The following RAPGEF5 variants were observed in gnomAD, a reference collection of about 807,000 sequenced individuals.
The protein encoded by RAPGEF5 is Rap guanine nucleotide exchange factor 5, also known as M-Ras-regulated GEF.
In RAPGEF5, 65 loss-of-function variants were observed where a neutral mutation model predicts 125.2. The observed-to-expected ratio is 0.52, with a 90% CI of 0.43 to 0.64. The LOEUF (loss-of-function observed/expected upper bound fraction) is 0.64. RAPGEF5 is among the 30% of genes least tolerant of loss of function. The pLI is 0.00. For missense variants in RAPGEF5, 958 were observed against 1,048.1 expected (o/e 0.91, Z 1.19); for synonymous variants, 391 against 385.9 (o/e 1.01, Z -0.16).
At chr7:22,247,302 A>C (rs988648807) in intron 7 of RAPGEF5, among the ~76,000 whole-genome samples, 1 of 152,238 alleles carries the variant, frequency 6.6e-6, no homozygotes, top group African/African-American at 2.4e-5. Flanking sequence ...AGCAGTATTC[A>C]CAATAGCAAA....
chr7:22,170,365 C>T (rs898720516), intron 11 of RAPGEF5, among the ~76,000 whole-genome samples: 5 of 152,118 alleles, frequency 3.3e-5, no homozygotes, highest in Admixed American at 3.3e-4. Context: ...AACAGAGTAG[C>T]TTTGAATCTA....
At chr7:22,323,696 C>T (rs1783759459) in intron 1 of RAPGEF5, among the ~76,000 whole-genome samples, 1 of 152,168 alleles carries the variant, frequency 6.6e-6, no homozygotes, top group South Asian at 2.1e-4. Flanking sequence ...TGGACCCTCC[C>T]TACAGCAACC....
In RAPGEF5 at chr7:22,191,698, A is replaced by G. The variant is rs566784240; in HGVS notation, c.1204+1669T>C. On this transcript the variant is annotated intron_variant, in intron 11 of 25. Transcript: ENST00000665637. ...CAGGATGCAAACCACTATATTTCCC[A>G]ATAGCAGGCAAATTCTGACATTAGC... is the stretch of plus-strand genomic sequence containing the variant. The G allele has an allele frequency of 2.6e-5, 12 of 469,564 alleles. No individual in the cohort carries two copies. In the East Asian group the frequency reaches 8.3e-4, roughly 33 times the overall value. 29.1% of individuals were successfully genotyped at this position (469,564 alleles called of 1,614,324 possible). A position where few individuals can be genotyped will look rare whatever the true frequency, so the allele number is the denominator to read the frequency against.
chr7:22,284,628 A>G (rs1562507912), intron 6 of RAPGEF5, among the ~76,000 whole-genome samples: 1 of 152,178 alleles, frequency 6.6e-6, no homozygotes, highest in Non-Finnish European at 1.5e-5. Context: ...TAGAAATAAG[A>G]AATAAAAGGT....
In RAPGEF5 at chr7:22,311,312, C is replaced by A. The variant is rs556592478; in HGVS notation, c.390-1222G>T. Among the ~76,000 whole-genome samples the A allele has an allele frequency of 7.9e-5, 12 of 152,144 alleles. No homozygotes were observed. The East Asian group carries it at 2.3e-3, about 29-fold the overall frequency. On this transcript the variant is annotated intron_variant, in intron 3 of 25. Coordinates refer to ENST00000665637, the MANE Select transcript of RAPGEF5 (RefSeq NM_012294.5). ...TTACAGGTATGAGCCAAGCACCTGG[C>A]CAAAATGTTTTTTTAAAATAATGTA...
At position 22,305,884 on chromosome 7, in the gene RAPGEF5, T is replaced by G. The variant is rs1783326826; in HGVS notation, c.680+2455A>C. On this transcript the variant is annotated intron_variant, in intron 5 of 25. Coordinates refer to ENST00000665637, the MANE Select transcript of RAPGEF5 (RefSeq NM_012294.5). ...CCATGTTGTTGCAAATGACTATCTC[T>G]CATTCTTTTTTATGGCTGAATAGTA... 2.0e-5 allele frequency among the ~76,000 whole-genome samples: 3 copies of G among 152,350 alleles called. No homozygotes were observed. In the South Asian group the frequency reaches 6.2e-4, roughly 32 times the overall value.
rs779395623 is a variant in RAPGEF5 at position 22,157,847 on chromosome 7, C to T, written c.1557+8G>A. Reference sequence around the variant, plus strand: ...CACCTAATTTTAGGTATAGAAGCATCTGCTTACCTTTTTTTGTGGTGAATA... The same window carrying T: ...CACCTAATTTTAGGTATAGAAGCATTTGCTTACCTTTTTTTGTGGTGAATA... On this transcript the variant is annotated splice_region_variant and intron_variant, in intron 15 of 25. Transcript: ENST00000665637. The T allele has an allele frequency of 1.1e-5, 18 of 1,610,918 alleles. No individual in the cohort carries two copies. In the South Asian group the frequency reaches 1.8e-4, roughly 16 times the overall value.
At chr7:22,165,900 C>G (rs1414891691) in intron 12 of RAPGEF5, among the ~76,000 whole-genome samples, 1 of 151,762 alleles carries the variant, frequency 6.6e-6, no homozygotes, top group African/African-American at 2.4e-5. Flanking sequence ...ACTGCAGCTT[C>G]AACCTCCTGG....
At chr7:22,132,980 C>T (rs1782962151) in intron 23 of RAPGEF5, among the ~76,000 whole-genome samples, 1 of 152,222 alleles carries the variant, frequency 6.6e-6, no homozygotes, top group African/African-American at 2.4e-5. Context: ...TCTCCAGGCA[C>T]CTCAAGTGGA....
chr7:22,179,228 C>A (rs896777196), intron 11 of RAPGEF5, among the ~76,000 whole-genome samples: 7 of 152,068 alleles, frequency 4.6e-5, no homozygotes, highest in Non-Finnish European at 7.4e-5. Context: ...AATAATACTT[C>A]TTCCAAGCAA....
intron 1 of RAPGEF5, among the ~76,000 whole-genome samples, chr7:22,350,250 C>T (rs1323436646): frequency 6.6e-6 from 1 of 152,182 alleles, no homozygotes; most frequent in East Asian, 1.9e-4. Context: ...ATTACTGCCA[C>T]ATCAACTTAA....
intron 2 of RAPGEF5, among the ~76,000 whole-genome samples, chr7:22,317,148 T>C (rs1783618040): frequency 6.6e-6 from 1 of 151,402 alleles, no homozygotes; most frequent in African/African-American, 2.4e-5. Context: ...CTATTCCTGA[T>C]GGTGGGGATA....
At chr7:22,190,949 G>A (rs1784975573) in intron 11 of RAPGEF5, among the ~76,000 whole-genome samples, 1 of 152,070 alleles carries the variant, frequency 6.6e-6, no homozygotes, top group African/African-American at 2.4e-5. Flanking sequence ...CTCCGTAAAA[G>A]GGGCGCTCAA....
intron 20 of RAPGEF5, among the ~76,000 whole-genome samples, chr7:22,144,215 C>T (rs774283852): frequency 2.0e-5 from 3 of 152,196 alleles, no homozygotes; most frequent in African/African-American, 2.4e-5. Flanking sequence ...GTCTGTACCA[C>T]GCACCCAGGT....
At chr7:22,168,743 A>G (rs748757173) in intron 11 of RAPGEF5, among the ~76,000 whole-genome samples, 4 of 152,224 alleles carry the variant, frequency 2.6e-5, no homozygotes, top group African/African-American at 9.6e-5. Flanking sequence ...TGCAGGGCAT[A>G]ACTTATTTCT....
chr7:22,294,243 AAG>A (rs1380668326), intron 5 of RAPGEF5, among the ~76,000 whole-genome samples: 2 of 152,146 alleles, frequency 1.3e-5, no homozygotes. Flanking sequence ...ATAAGACAGA[AAG>A]AGAAGAGAAA....
At chr7:22,307,112 G>A (rs557974948) in intron 5 of RAPGEF5, among the ~76,000 whole-genome samples, 17 of 152,054 alleles carry the variant, frequency 1.1e-4, no homozygotes, top group Non-Finnish European at 2.1e-4. Context: ...TTTTGGTTGG[G>A]ATTGCATTGA....
intron 1 of RAPGEF5, among the ~76,000 whole-genome samples, chr7:22,327,849 G>C (rs902844165): frequency 1.3e-5 from 2 of 152,192 alleles, no homozygotes; most frequent in Non-Finnish European, 2.9e-5. Flanking sequence ...CATGGATTTT[G>C]GTTCAGTAGG....
chr7:22,274,915 G>A (rs1054288807), intron 6 of RAPGEF5, among the ~76,000 whole-genome samples: 1 of 152,134 alleles, frequency 6.6e-6, no homozygotes, highest in Non-Finnish European at 1.5e-5. Context: ...AGAGTCCAAT[G>A]TCTGATACTG....
Sources: allele counts gnomAD v4.1 joint callset (sites outside exome capture counted in the v4.1 genomes callset), GRCh38; gene constraint gnomAD v4.1.1; transcripts MANE v1.5; gene names NCBI Gene and HGNC (gene_info 2026-07-23, HGNC 2026-07-21).